Variants in PKD1 observed in about 807,000 individuals in gnomAD.
PKD1 encodes the protein polycystin 1, transient receptor potential channel interacting, also known as polycystin-1.
In PKD1, 81 loss-of-function variants were observed where a neutral mutation model predicts 361.7. That is an observed-to-expected ratio of 0.22 (90% CI 0.19 to 0.27). The LOEUF (loss-of-function observed/expected upper bound fraction) is 0.27, where lower values mean the gene tolerates loss of function less well. PKD1 is among the 10% of genes least tolerant of loss of function. The pLI is 1.00. For synonymous variants in PKD1, 3,615 were observed against 2,818.3 expected, an observed-to-expected ratio of 1.28 and a Z score of -8.95; for missense variants, 6,399 against 6,118.3, an observed-to-expected ratio of 1.05 and a Z score of -1.53.
chr16:2,094,202 G>A lies in PKD1; in HGVS notation c.10508C>T (p.Thr3503Ile). The A allele has an allele frequency of 6.3e-7, 1 of 1,590,732 alleles. No individual in the cohort carries two copies. The highest frequency in any genetic ancestry group is 8.6e-7 in the Non-Finnish European group (1 of 1,161,122). The change falls in exon 35 of 46, where the codon ACT (threonine) becomes ATT (isoleucine). Residue 3503 changes from threonine to isoleucine, a missense_variant. Thr to Ile is a moderately conservative substitution (Grantham distance 89, BLOSUM62 -1). Transcript: ENST00000262304. ...ETDLLSSLSS[T>I]PGEKTETLAL... ...CAGCGTCTCTGTCTTCTCCCCAGGA[G>A]TGCTGGACCTGAGGGACATGGTAGG...
chr16:2,113,864 A>G (rs1285068897), intron 11 of PKD1: 6 of 491,914 alleles, frequency 1.2e-5, no homozygotes. Context: ...GCCAGGCGAG[A>G]ACACAGCAGA....
chr16:2,095,394 C>G (rs965197903), intron 34 of PKD1: 6 of 152,208 alleles, frequency 3.9e-5, no homozygotes, highest in Non-Finnish European at 7.3e-5. Context: ...GTCTGGGCAA[C>G]AGAGACTCCA....
In PKD1 at chr16:2,094,149, GCCCCAGCTC is replaced by G. The variant is rs1385668528; in HGVS notation, c.10552_10560del (p.Glu3518_Gly3520del). 1.3e-6 allele frequency: 2 copies of G among 1,599,406 alleles called. No homozygotes were observed. The highest frequency in any genetic ancestry group is 1.1e-5 in the South Asian group (1 of 89,062). ...TCCCAGTTCAGGCCTGGGCTGGGTG[GCCCCAGCTC>G]CCCCAGCCTCTGCAGCGCCAGCGTC... On this transcript the variant is annotated inframe_deletion, in exon 35 of 46. Transcript: ENST00000262304.
Position 2,101,892 on chromosome 16 carries a change from G to C in PKD1, c.9397+169C>G, listed in dbSNP as rs548560867. 2.4e-4 allele frequency: 157 copies of C among 644,804 alleles called. 2 individuals are homozygous for C. Among genetic ancestry groups the C allele is most frequent in the Middle Eastern group, 2.0e-3 (5 of 2,452 alleles). The allele number at this position is 644,804 out of a possible 1,614,324, so 39.9% of individuals were successfully genotyped here. A position where few individuals can be genotyped will look rare whatever the true frequency, so the allele number is the denominator to read the frequency against. On this transcript the variant is annotated intron_variant, in intron 26 of 45. Transcript: ENST00000262304. Reference sequence around the variant, plus strand: ...GCTAGGAGCTGTCCTAGTCCTCAGGGACAGTGAGTGCTCACGAGGTCATTC... The same window carrying C: ...GCTAGGAGCTGTCCTAGTCCTCAGGCACAGTGAGTGCTCACGAGGTCATTC...
Position 2,111,780 on chromosome 16 carries a change from C to T in PKD1, c.3387G>A (p.Val1129=), listed in dbSNP as rs1164826283. 6.2e-7 allele frequency: 1 copy of T among 1,608,238 alleles called. No homozygotes were observed. The highest frequency in any genetic ancestry group is 8.5e-7 in the Non-Finnish European group (1 of 1,178,764). The part of the protein sequence containing the change: ...PVSVRASLPS[V]AVGVSDGVLV... ...GGACGCCGTCACTCACACCCACAGC[C>T]ACGGAGGGCAGGGAGGCGCGCACGC... The change falls in exon 15 of 46, where the codon GTG becomes GTA. Residue 1129 remains valine, a synonymous_variant. Coordinates refer to ENST00000262304, the MANE Select transcript of PKD1 (RefSeq NM_001009944.3).
chr16:2,114,818 G>C lies in PKD1; in HGVS notation c.2205C>G (p.His735Gln), dbSNP rs1278989499. ...ALLHCSPAPG[H>Q]PGPRAPYLSA... ...AGAGGTACGGGGCCCGGGGACCAGG[G>C]TGGCCGGGAGCCGGCGAGCAGTGCA... The change falls in exon 11 of 46, where the codon CAC becomes CAG. Residue 735 changes from histidine to glutamine, a missense_variant. Coordinates refer to ENST00000262304, the MANE Select transcript of PKD1 (RefSeq NM_001009944.3). The C allele has an allele frequency of 8.9e-7, 1 of 1,127,312 alleles. No individual in the cohort carries two copies. 69.8% of individuals were successfully genotyped at this position (1,127,312 alleles called of 1,614,324 possible).
At chr16:2,123,451 C>T (rs148374798) in intron 1 of PKD1, 59 of 456,456 alleles carry the variant, frequency 1.3e-4, no homozygotes, top group Non-Finnish European at 2.4e-4. Context: ...CAGGGGTCCC[C>T]GTGGAGTCCT....
At position 2,091,142 on chromosome 16, in the gene PKD1, G is replaced by T. The variant is rs755022166; in HGVS notation, c.11745C>A (p.Ala3915=). The change falls in exon 43 of 46, where the codon GCC becomes GCA. Residue 3915 remains alanine, a synonymous_variant. Transcript: ENST00000262304. The part of the protein sequence containing the change: ...VCLLLFAVHF[A]VAEARTWHRE... ...TGTGCCAAGTACGGGCCTCGGCCACGGCGAAGTGCACGGCGAACAGCAGCA... is the reference window on the plus strand; with the variant it reads ...TGTGCCAAGTACGGGCCTCGGCCACTGCGAAGTGCACGGCGAACAGCAGCA... 2.0e-6 allele frequency: 3 copies of T among 1,481,854 alleles called. No homozygotes were observed. Among genetic ancestry groups the T allele is most frequent in the Non-Finnish European group, 2.7e-6 (3 of 1,124,274 alleles). The allele number at this position is 1,481,854 out of a possible 1,614,324, so 91.8% of individuals were successfully genotyped here. A position where few individuals can be genotyped will look rare whatever the true frequency, so the allele number is the denominator to read the frequency against.
chr16:2,088,881 GCACACACACACA>G lies in PKD1; in HGVS notation c.*834_*845del. On this transcript the variant is annotated 3_prime_UTR_variant, in exon 46 of 46. Coordinates refer to ENST00000262304, the MANE Select transcript of PKD1 (RefSeq NM_001009944.3). Reference sequence around the variant, plus strand: ...ACAGCACACTCGCGCGTGCGCGCGCGCACACACACACACACACAGTCACCTTCCTCCACCCTG... The same window carrying G: ...ACAGCACACTCGCGCGTGCGCGCGCGCACACAGTCACCTTCCTCCACCCTG... 1 of 420,700 alleles carries G rather than the reference GCACACACACACA, an allele frequency of 2.4e-6. No homozygotes were observed. Among genetic ancestry groups the G allele is most frequent in the South Asian group, 2.4e-5 (1 of 41,002 alleles). The allele number at this position is 420,700 out of a possible 1,614,324, so 26.1% of individuals were successfully genotyped here. A position where few individuals can be genotyped will look rare whatever the true frequency, so the allele number is the denominator to read the frequency against.
rs145762096 is a variant in PKD1, at chr16:2,109,141, G to A, written c.6026C>T (p.Ser2009Leu). Residue 2009 changes from serine to leucine, a missense_variant, in exon 15 of 46, where the codon TCG becomes TTG. Transcript: ENST00000262304. ...CGAGTCGCCCTGGACCTTCTGCAGC[G>A]AGAAGTACCAGGCGTAGGCGACCCG... ...GSRVAYAWYF[S>L]LQKVQGDSLV... is the part of the protein sequence containing the mutation. The A allele has an allele frequency of 3.2e-5, 51 of 1,602,426 alleles. No individual in the cohort carries two copies. The East Asian group carries it at 3.4e-4, about 11-fold the overall frequency.
chr16:2,092,760 T>C, intron 38 of PKD1, 168 bp from the exon 39 acceptor site: 1 of 836,546 alleles, frequency 1.2e-6, no homozygotes, highest in Non-Finnish European at 2.0e-6. Flanking sequence ...CAGTTGTCTG[T>C]CATGGGCCCG....
intron 20 of PKD1, 188 bp from the exon 21 acceptor site, chr16:2,105,662 G>A: frequency 7.0e-7 from 1 of 1,430,358 alleles, no homozygotes; most frequent in Non-Finnish European, 9.4e-7. Flanking sequence ...CTGGGCGGGG[G>A]CTGCATTGTG....
At chr16:2,115,327 G>T (rs1216333449) in intron 10 of PKD1, 51 bp downstream of exon 10, 6 of 1,438,680 alleles carry the variant, frequency 4.2e-6, no homozygotes, top group Non-Finnish European at 5.7e-6. Flanking sequence ...CAGCAGACAG[G>T]AAGGTGGCCT....
At chr16:2,107,779 G>C (rs970119227) in intron 16 of PKD1, 104 bp downstream of exon 16, 2 of 1,069,526 alleles carry the variant, frequency 1.9e-6, no homozygotes, top group African/African-American at 1.6e-5. Context: ...AAACAGAGAG[G>C]GGAGAGCGTG....
At position 2,111,269 on chromosome 16, in the gene PKD1, C is replaced by G; in HGVS notation, c.3898G>C (p.Glu1300Gln). The change falls in exon 15 of 46, where the codon GAA becomes CAA. Residue 1300 changes from glutamate to glutamine, a missense_variant. Coordinates refer to ENST00000262304, the MANE Select transcript of PKD1 (RefSeq NM_001009944.3). ...TGCGTGGGGATGCAGGCGGCGGGTT[C>G]AACGCGCAGCACCTCCAGGACGAAG... ...LVFVLEVLRV[E>Q]PAACIPTQPD... 5 of 1,609,682 alleles carry G rather than the reference C, an allele frequency of 3.1e-6. No homozygotes were observed. Among genetic ancestry groups the G allele is most frequent in the Admixed American group, 1.7e-5 (1 of 59,966 alleles).
At chr16:2,091,335 AG>A (rs1199076255) in intron 42 of PKD1, 87 bp downstream of exon 42, 1 of 480,920 alleles carries the variant, frequency 2.1e-6, no homozygotes, top group African/African-American at 8.7e-5. Flanking sequence ...GGGCGCTGCG[AG>A]GGGTGAGACG....
Position 2,091,826 on chromosome 16 carries a change from C to G in PKD1, c.11492G>C (p.Arg3831Pro). 6.2e-7 allele frequency: 1 copy of G among 1,610,092 alleles called. No homozygotes were observed. Among genetic ancestry groups the G allele is most frequent in the Non-Finnish European group, 8.5e-7 (1 of 1,179,116 alleles). Residue 3831 changes from arginine to proline, a missense_variant, in exon 41 of 46, where the codon CGC (arginine) becomes CCC (proline). By Grantham distance (103) the Arg-to-Pro change is moderately radical. Transcript: ENST00000262304. Reference sequence around the variant, plus strand: ...CAGCTGCAGGAAGCGCAGCCGGTCGCGGCTCTCCTCCAGGCTCAGGCCCAG... The same window carrying G: ...CAGCTGCAGGAAGCGCAGCCGGTCGGGGCTCTCCTCCAGGCTCAGGCCCAG... ...QELGLSLEES[R>P]DRLRFLQLHN...
At position 2,097,922 on chromosome 16, in the gene PKD1, C is replaced by T. The variant is rs771026478; in HGVS notation, c.10113G>A (p.Leu3371=). The change falls in exon 31 of 46, where the codon CTG becomes CTA. Residue 3371 remains leucine (L), a synonymous_variant. Coordinates refer to ENST00000262304, the MANE Select transcript of PKD1 (RefSeq NM_001009944.3). ...GQQVLDIDSC[L]DSSVLDSSFL... ...AGGAGCTGTCCAGCACGGACGAGTC[C>T]AGGCAGCTGTCGATGTCCAGCACCT... 2.4e-5 allele frequency: 39 copies of T among 1,604,708 alleles called. No individual in the cohort carries two copies. In the East Asian group the frequency reaches 8.3e-4, roughly 34 times the overall value.
chr16:2,116,767 C>T (rs2092644567), intron 7 of PKD1, 66 bp downstream of exon 7: 3 of 1,106,570 alleles, frequency 2.7e-6, no homozygotes, highest in African/African-American at 1.5e-5. Context: ...CAGGCTCCAC[C>T]GCGGGCGCTC....
Sources: gnomAD v4.1 joint callset for allele counts on GRCh38, gnomAD v4.1.1 for gene constraint, MANE v1.5 for transcripts, NCBI Gene and HGNC (gene_info 2026-07-23, HGNC 2026-07-21) for gene names.